The following CSMD1 variants were observed in gnomAD, a reference collection of about 807,000 sequenced individuals.
CSMD1 encodes CUB and sushi domain-containing protein 1.
In CSMD1, 213 loss-of-function variants were observed where a neutral mutation model predicts 417.5. The observed-to-expected ratio is 0.51, with a 90% CI of 0.46 to 0.57. The LOEUF (loss-of-function observed/expected upper bound fraction) is 0.57. CSMD1 is among the 20% of genes least tolerant of loss of function. CSMD1 has a pLI of 0.00. For missense variants in CSMD1, 6,923 were observed against 4,529.7 expected, an observed-to-expected ratio of 1.53 and a Z score of -15.17; for synonymous variants, 2,862 against 1,736.8, an observed-to-expected ratio of 1.65 and a Z score of -16.11.
At chr8:4,745,087 A>T (rs1365588317) in intron 1 of CSMD1, among the ~76,000 whole-genome samples, 1 of 152,126 alleles carries the variant, frequency 6.6e-6, no homozygotes, top group African/African-American at 2.4e-5. Flanking sequence ...AAATCTCGAG[A>T]AATGCGTAAG....
intron 3 of CSMD1, among the ~76,000 whole-genome samples, chr8:4,067,871 G>T (rs1045965138): frequency 6.6e-6 from 1 of 152,116 alleles, no homozygotes; most frequent in Non-Finnish European, 1.5e-5. Flanking sequence ...GAGGTCAAGA[G>T]ATGGAGACCA....
At chr8:3,550,034 A>AT (rs1481618267) in intron 10 of CSMD1, among the ~76,000 whole-genome samples, 1 of 152,116 alleles carries the variant, frequency 6.6e-6, no homozygotes, top group African/African-American at 2.4e-5. Flanking sequence ...TTTAACTCTG[A>AT]TTTTTCTTGT....
chr8:4,412,620 T>TA (rs1796710851), intron 3 of CSMD1, among the ~76,000 whole-genome samples: 1 of 152,208 alleles, frequency 6.6e-6, no homozygotes, highest in Non-Finnish European at 1.5e-5. Context: ...GAAGTTGCAA[T>TA]GGTCTATTCC....
At chr8:3,057,592 A>G (rs538178845) in intron 49 of CSMD1, among the ~76,000 whole-genome samples, 20 of 152,138 alleles carry the variant, frequency 1.3e-4, no homozygotes, top group African/African-American at 4.3e-4. Context: ...ATGCTTTTTT[A>G]CTTAATTTTC....
chr8:4,491,197 A>T (rs900733853), intron 2 of CSMD1, among the ~76,000 whole-genome samples: 4 of 152,198 alleles, frequency 2.6e-5, no homozygotes, highest in African/African-American at 9.7e-5. Flanking sequence ...CTGAACTTAA[A>T]ATACAAGTTA....
At chr8:3,923,603 C>A (rs2043276066) in intron 5 of CSMD1, among the ~76,000 whole-genome samples, 2 of 152,110 alleles carry the variant, frequency 1.3e-5, no homozygotes, top group Admixed American at 1.3e-4. Context: ...ACCTCATATA[C>A]TCACCATTTT....
chr8:4,049,669 G>A lies in CSMD1; in HGVS notation c.416-17570C>T, dbSNP rs191412850. Among the ~76,000 whole-genome samples, 500 of 152,114 alleles carry A rather than the reference G, an allele frequency of 3.3e-3. 10 individuals carry two copies. Among genetic ancestry groups the A allele is most frequent in the Admixed American group, 0.029 (446 of 15,276 alleles). ...TATATTTACTAATCGACAAGCATAG[G>A]TATAGATATTTTTATGAATTCTTAA... On this transcript the variant is annotated intron_variant, in intron 3 of 69. Transcript: ENST00000635120.
At chr8:4,285,793 T>C (rs1403107529) in intron 3 of CSMD1, among the ~76,000 whole-genome samples, 1 of 152,184 alleles carries the variant, frequency 6.6e-6, no homozygotes, top group Non-Finnish European at 1.5e-5. Context: ...CTGCTTCTTC[T>C]CCAGGTGTCC....
intron 2 of CSMD1, among the ~76,000 whole-genome samples, chr8:4,557,316 C>G (rs750136157): frequency 1.3e-5 from 2 of 152,016 alleles, no homozygotes; most frequent in African/African-American, 2.4e-5. Context: ...TCACTAGGTT[C>G]TAACTGAAAA....
intron 2 of CSMD1, among the ~76,000 whole-genome samples, chr8:4,594,643 C>A (rs1278851032): frequency 6.6e-6 from 1 of 152,170 alleles, no homozygotes; most frequent in Non-Finnish European, 1.5e-5. Flanking sequence ...GGTCTTTCAA[C>A]TTCAAAACCT....
chr8:3,903,951 G>C (rs1001922226), intron 5 of CSMD1, among the ~76,000 whole-genome samples: 2 of 151,850 alleles, frequency 1.3e-5, no homozygotes, highest in African/African-American at 4.8e-5. Context: ...TTTCTCATTT[G>C]GATTAAACCT....
chr8:3,642,596 C>T (rs1412582400), intron 7 of CSMD1, among the ~76,000 whole-genome samples: 1 of 152,118 alleles, frequency 6.6e-6, no homozygotes. Flanking sequence ...AATTCACAAA[C>T]CAAACGAGAA....
At chr8:4,168,299 C>G (rs938511572) in intron 3 of CSMD1, among the ~76,000 whole-genome samples, 15 of 151,950 alleles carry the variant, frequency 9.9e-5, no homozygotes, top group African/African-American at 3.4e-4. Context: ...GAGGCTGAGG[C>G]AGAAAGGGCT....
chr8:3,809,214 C>A (rs1390717399), intron 5 of CSMD1, among the ~76,000 whole-genome samples: 1 of 152,168 alleles, frequency 6.6e-6, no homozygotes, highest in African/African-American at 2.4e-5. Flanking sequence ...CATCAGGTCT[C>A]CAGTTAAGTT....
intron 8 of CSMD1, among the ~76,000 whole-genome samples, chr8:3,599,161 G>A (rs991643007): frequency 8.1e-6 from 1 of 123,766 alleles, no homozygotes; most frequent in Admixed American, 8.1e-5. Flanking sequence ...CTGTGTGTGT[G>A]TCTGTGTGTG....
chr8:3,748,448 G>T (rs1263162673), intron 6 of CSMD1, among the ~76,000 whole-genome samples: 2 of 152,184 alleles, frequency 1.3e-5, no homozygotes, highest in Admixed American at 6.5e-5. Flanking sequence ...ACACTCTGCA[G>T]AGCAGTGGTC....
At chr8:4,359,771 G>T (rs1288755253) in intron 3 of CSMD1, among the ~76,000 whole-genome samples, 6 of 152,184 alleles carry the variant, frequency 3.9e-5, no homozygotes, top group African/African-American at 1.4e-4. Context: ...CCACGTCAAG[G>T]AGTTGGTAAA....
rs528429266 is a variant in CSMD1, at chr8:3,589,461, A to C, written c.1098-3201T>G. ...TTCAGCCTTTTTTAAAAAAGAGGAA[A>C]TCTTGCCATTTGTGACAACACAGTT... On this transcript the variant is annotated intron_variant, in intron 8 of 69. Transcript: ENST00000635120. Among the ~76,000 whole-genome samples the C allele has an allele frequency of 3.3e-5, 5 of 152,174 alleles. No individual in the cohort carries two copies. The East Asian group carries it at 7.7e-4, about 24-fold the overall frequency.
intron 12 of CSMD1, among the ~76,000 whole-genome samples, chr8:3,437,486 T>G (rs1814644671): frequency 6.6e-6 from 1 of 152,078 alleles, no homozygotes; most frequent in Admixed American, 6.5e-5. Flanking sequence ...CAGCGGGAAA[T>G]AAGATCAACA....
Sources: gnomAD v4.1 joint callset for allele counts (sites outside exome capture counted in the v4.1 genomes callset) on GRCh38, gnomAD v4.1.1 for gene constraint, MANE v1.5 for transcripts, NCBI Gene and HGNC (gene_info 2026-07-23, HGNC 2026-07-21) for gene names.